Variants in TAB1 observed in about 807,000 individuals in gnomAD.
TAB1 encodes the protein TGF-beta activated kinase 1 (MAP3K7) binding protein 1, also known as TGF-beta-activated kinase 1 and MAP3K7-binding protein 1.
A neutral mutation model predicts 54.5 loss-of-function variants in TAB1; 30 were observed. That is an observed-to-expected ratio of 0.55 (90% CI 0.41 to 0.75). TAB1 has a LOEUF of 0.75. TAB1 is among the 30% of genes least tolerant of loss of function. The pLI is 0.00. For missense variants in TAB1, 609 were observed against 683.2 expected, an observed-to-expected ratio of 0.89 and a Z score of 1.21; for synonymous variants, 289 against 286.9, an observed-to-expected ratio of 1.01 and a Z score of -0.07.
At chr22:39,429,343 A>G (rs2145684283) in intron 10 of TAB1, 2 of 985,398 alleles carry the variant, frequency 2.0e-6, no homozygotes, top group Non-Finnish European at 2.4e-6. Flanking sequence ...GTTTAGAGAG[A>G]TGGTAATGGA....
intron 1 of TAB1, among the ~76,000 whole-genome samples, chr22:39,403,131 A>G (rs943371592): frequency 1.3e-5 from 2 of 152,240 alleles, no homozygotes; most frequent in Non-Finnish European, 2.9e-5. Context: ...CTGAGCACTC[A>G]CTATGTGCTA....
Position 39,421,776 on chromosome 22 carries a change from C to T in TAB1, c.777-51C>T, listed in dbSNP as rs754866787. ...TCCTCCCCTCAGCAGAATCAGCATCCACCTGCGGGCTGTTCCAAGCAAAGC... is the reference window on the plus strand; with the variant it reads ...TCCTCCCCTCAGCAGAATCAGCATCTACCTGCGGGCTGTTCCAAGCAAAGC... On this transcript the variant is annotated intron_variant, in intron 7 of 10. Transcript: ENST00000216160. The T allele has an allele frequency of 1.2e-6, 2 of 1,601,448 alleles. 1 individual carries two copies. The highest frequency in any genetic ancestry group is 2.2e-5 in the South Asian group (2 of 90,010).
downstream of TAB1, chr22:39,432,725 A>T (rs1927633649): frequency 1.0e-6 from 1 of 985,242 alleles, no homozygotes; most frequent in Non-Finnish European, 1.2e-6. Flanking sequence ...CCACCATGCA[A>T]CTCTGGGCCC....
intron 1 of TAB1, among the ~76,000 whole-genome samples, chr22:39,413,891 C>A (rs574281923): frequency 6.6e-6 from 1 of 152,272 alleles, no homozygotes; most frequent in East Asian, 1.9e-4. Flanking sequence ...GGAATTGCAC[C>A]TGGGCCTTGC....
At chr22:39,419,455 T>C (rs1926976796) in intron 6 of TAB1, 64 bp from the exon 7 acceptor site, 3 of 1,344,004 alleles carry the variant, frequency 2.2e-6, no homozygotes, top group Non-Finnish European at 3.1e-6. Flanking sequence ...TGTGTCTCTG[T>C]CCCCTTCTTT....
intron 1 of TAB1, among the ~76,000 whole-genome samples, chr22:39,406,788 A>G (rs976364089): frequency 6.6e-6 from 1 of 151,772 alleles, no homozygotes; most frequent in African/African-American, 2.4e-5. Context: ...ACCCACCACC[A>G]CGCCCACCTA....
intron 9 of TAB1, among the ~76,000 whole-genome samples, chr22:39,427,714 T>C (rs1232316308): frequency 1.3e-5 from 2 of 152,186 alleles, no homozygotes; most frequent in Non-Finnish European, 2.9e-5. Context: ...AGCAAACTTA[T>C]CCTCTGAATT....
At chr22:39,422,457 A>G (rs1927137235) in intron 8 of TAB1, among the ~76,000 whole-genome samples, 1 of 127,044 alleles carries the variant, frequency 7.9e-6, no homozygotes, top group Non-Finnish European at 1.5e-5. Flanking sequence ...CACGCAGGCT[A>G]GAGTACAGTG....
Position 39,415,771 on chromosome 22 carries a change from C to A in TAB1, c.324+118C>A. On this transcript the variant is annotated intron_variant, in intron 3 of 10. Coordinates refer to ENST00000216160, the MANE Select transcript of TAB1 (RefSeq NM_006116.3). This position sits in a 1 kb window ranked among gnomAD's most constrained non-coding sequence, Gnocchi z 4.9. ...TGTGAAGATCCTGCCGGCCCCTTCA[C>A]CCCAGTAGAGGAGCAGCTCCCAGCG... 1 of 1,352,018 alleles carries A rather than the reference C, an allele frequency of 7.4e-7. No individual in the cohort carries two copies. Among genetic ancestry groups the A allele is most frequent in the Non-Finnish European group, 1.0e-6 (1 of 1,002,782 alleles). 83.8% of individuals were successfully genotyped at this position (1,352,018 alleles called of 1,614,324 possible). A position where few individuals can be genotyped will look rare whatever the true frequency, so the allele number is the denominator to read the frequency against.
chr22:39,435,624 C>G (rs975040702), downstream of TAB1, among the ~76,000 whole-genome samples: 2 of 152,226 alleles, frequency 1.3e-5, no homozygotes, highest in African/African-American at 2.4e-5. Flanking sequence ...AGCGTGCGTG[C>G]TGTCACATGT....
intron 7 of TAB1, 157 bp from the exon 8 acceptor site, chr22:39,421,670 C>CT: frequency 1.3e-6 from 1 of 787,352 alleles, no homozygotes; most frequent in Non-Finnish European, 2.0e-6. Flanking sequence ...GACGATGGGT[C>CT]TATTTTTCTG....
At chr22:39,407,408 G>A (rs897630192) in intron 1 of TAB1, among the ~76,000 whole-genome samples, 7 of 152,032 alleles carry the variant, frequency 4.6e-5, no homozygotes, top group Non-Finnish European at 8.8e-5. Context: ...CTGTCTAACT[G>A]CCTGGGCTAA....
intron 8 of TAB1, among the ~76,000 whole-genome samples, chr22:39,424,710 A>G (rs980479487): frequency 2.0e-5 from 3 of 151,922 alleles, no homozygotes; most frequent in Admixed American, 6.6e-5. Context: ...GGCCTCCCAA[A>G]GTTCTGGGAT....
Position 39,418,851 on chromosome 22 carries a change from TG to T in TAB1, c.664+10del. The T allele has an allele frequency of 6.2e-7, 1 of 1,606,798 alleles. No homozygotes were observed. Among genetic ancestry groups the T allele is most frequent in the East Asian group, 2.2e-5 (1 of 44,800 alleles). ...CTTCCGTCTTTCGCAGCTGGGTGAG[TG>T]GGGAGAGTGGGAGCGGAAGCTGATC... On this transcript the variant is annotated splice_region_variant and intron_variant, in intron 6 of 10. Coordinates refer to ENST00000216160, the MANE Select transcript of TAB1 (RefSeq NM_006116.3).
At chr22:39,410,436 C>T (rs540703547) in intron 1 of TAB1, among the ~76,000 whole-genome samples, 1 of 152,076 alleles carries the variant, frequency 6.6e-6, no homozygotes, top group Non-Finnish European at 1.5e-5. Flanking sequence ...GTTGCTTGTA[C>T]TGAAAGTGTT....
At chr22:39,432,984 C>T (rs974133855), downstream of TAB1, 1 of 985,286 alleles carries the variant, frequency 1.0e-6, no homozygotes, top group African/African-American at 1.7e-5. Flanking sequence ...CTGTGCAGCC[C>T]TGGTGGGTCA....
At chr22:39,433,892 C>T, downstream of TAB1, 1 of 891,666 alleles carries the variant, frequency 1.1e-6, no homozygotes. Flanking sequence ...CCACCGCCCC[C>T]TGCCCGTCTC....
intron 1 of TAB1, among the ~76,000 whole-genome samples, chr22:39,413,301 G>A (rs1170682850): frequency 6.6e-6 from 1 of 151,986 alleles, no homozygotes; most frequent in East Asian, 1.9e-4. Context: ...AGATTATATC[G>A]TCTGCAAACA....
chr22:39,423,860 T>C lies in TAB1; in HGVS notation c.921+1889T>C, dbSNP rs559136469. 1.8e-3 allele frequency among the ~76,000 whole-genome samples: 267 copies of C among 150,422 alleles called. 3 individuals carry two copies. The highest frequency in any genetic ancestry group is 0.013 in the East Asian group (64 of 4,800). On this transcript the variant is annotated intron_variant, in intron 8 of 10. Coordinates refer to ENST00000216160, the MANE Select transcript of TAB1 (RefSeq NM_006116.3). ...GTAACTAATGTATAGTGTTTTATAG[T>C]GTACATTGTAACTAATGTATAGTGT...
Sources: allele counts gnomAD v4.1 joint callset (sites outside exome capture counted in the v4.1 genomes callset), GRCh38; gene constraint gnomAD v4.1.1; non-coding constraint Gnocchi (gnomAD v3.1); transcripts MANE v1.5; gene names NCBI Gene and HGNC (gene_info 2026-07-23, HGNC 2026-07-21).